The following NTNG1 variants were observed in gnomAD, a reference collection of about 807,000 sequenced individuals.
The protein encoded by NTNG1 is netrin-G1.
In NTNG1, 16 loss-of-function variants were observed where a neutral mutation model predicts 54.0. The observed-to-expected ratio is 0.30, with a 90% CI of 0.20 to 0.45. The LOEUF (loss-of-function observed/expected upper bound fraction) is 0.45, where lower values mean the gene tolerates loss of function less well. NTNG1 is among the 20% of genes least tolerant of loss of function. The pLI, the probability that NTNG1 is intolerant of heterozygous loss-of-function variation, is 1.00. For missense variants in NTNG1, 530 were observed against 678.7 expected (o/e 0.78, Z 2.43); for synonymous variants, 255 against 263.1 (o/e 0.97, Z 0.30).
At chr1:107,183,133 G>C (rs1657194734) in intron 2 of NTNG1, among the ~76,000 whole-genome samples, 1 of 152,148 alleles carries the variant, frequency 6.6e-6, no homozygotes, top group African/African-American at 2.4e-5. Context: ...TGCTGGAAGA[G>C]GTCATCACAA....
intron 2 of NTNG1, among the ~76,000 whole-genome samples, chr1:107,264,691 T>A (rs1417934023): frequency 1.3e-5 from 2 of 152,168 alleles, no homozygotes; most frequent in African/African-American, 4.8e-5. Flanking sequence ...TCTGTTTACA[T>A]TAGTTTAGGG....
intron 3 of NTNG1, among the ~76,000 whole-genome samples, chr1:107,385,865 G>T (rs937558589): frequency 3.3e-5 from 5 of 150,074 alleles, no homozygotes; most frequent in Admixed American, 1.3e-4. Context: ...CAATTCAGTG[G>T]TTTTTAGTAT....
chr1:107,171,466 T>A (rs1160717527), intron 2 of NTNG1, among the ~76,000 whole-genome samples: 1 of 152,130 alleles, frequency 6.6e-6, no homozygotes, highest in African/African-American at 2.4e-5. Context: ...CTGGAAGGAC[T>A]TTTATGACTT....
At chr1:107,376,418 A>AAC (rs1553235245) in intron 3 of NTNG1, among the ~76,000 whole-genome samples, 2 of 79,996 alleles carry the variant, frequency 2.5e-5, no homozygotes, top group Admixed American at 1.3e-4. Flanking sequence ...AAAACAAAAC[A>AAC]AAAAAAAAAA....
chr1:107,242,179 G>T (rs1306761832), intron 2 of NTNG1, among the ~76,000 whole-genome samples: 1 of 152,026 alleles, frequency 6.6e-6, no homozygotes, highest in Non-Finnish European at 1.5e-5. Flanking sequence ...AGGAGGGGGG[G>T]TGAGGGGATG....
chr1:107,376,833 A>G (rs762471780), intron 3 of NTNG1, among the ~76,000 whole-genome samples: 1 of 152,080 alleles, frequency 6.6e-6, no homozygotes, highest in African/African-American at 2.4e-5. Flanking sequence ...GCCCCAGCAC[A>G]TGCAAGTGTC....
At chr1:107,275,943 C>A (rs1310686870) in intron 2 of NTNG1, among the ~76,000 whole-genome samples, 1 of 152,212 alleles carries the variant, frequency 6.6e-6, no homozygotes, top group Non-Finnish European at 1.5e-5. Flanking sequence ...AGAAGGGCTT[C>A]TCTCTTATTT....
At position 107,454,180 on chromosome 1, in the gene NTNG1, GA is replaced by G. The variant is rs564833229; in HGVS notation, c.1390+17384del. Among the ~76,000 whole-genome samples the G allele has an allele frequency of 1.8e-4, 28 of 152,232 alleles. No homozygotes were observed. In the South Asian group the frequency reaches 5.8e-3, roughly 32 times the overall value. ...AACACAAACAATACCACACAACAGAGAAAGAGACTTTAGGATAAAAGCAAGC... is the reference window on the plus strand; with the variant it reads ...AACACAAACAATACCACACAACAGAGAAGAGACTTTAGGATAAAAGCAAGC... On this transcript the variant is annotated intron_variant, in intron 7 of 7. Transcript: ENST00000370068.
At chr1:107,325,989 C>G (rs917275412) in intron 3 of NTNG1, among the ~76,000 whole-genome samples, 1 of 152,046 alleles carries the variant, frequency 6.6e-6, no homozygotes, top group African/African-American at 2.4e-5. Flanking sequence ...TTAGGCAGCC[C>G]AGTTCTCAGA....
chr1:107,169,978 C>G (rs1451635501), intron 2 of NTNG1, among the ~76,000 whole-genome samples: 1 of 152,208 alleles, frequency 6.6e-6, no homozygotes, highest in Non-Finnish European at 1.5e-5. Context: ...AGGGAAGACT[C>G]AACTCTGCTT....
chr1:107,171,633 TGTACTG>T (rs1656245372), intron 2 of NTNG1, among the ~76,000 whole-genome samples: 3 of 152,166 alleles, frequency 2.0e-5, no homozygotes, highest in Non-Finnish European at 4.4e-5. Flanking sequence ...CATGGGGCTC[TGTACTG>T]CAGTCGTCCT....
chr1:107,262,649 A>G (rs1316774204), intron 2 of NTNG1, among the ~76,000 whole-genome samples: 2 of 152,228 alleles, frequency 1.3e-5, no homozygotes, highest in Non-Finnish European at 2.9e-5. Flanking sequence ...ATTGAGAAAG[A>G]AATACATGAA....
chr1:107,335,921 A>C (rs1164698389), intron 3 of NTNG1, among the ~76,000 whole-genome samples: 2 of 151,930 alleles, frequency 1.3e-5, no homozygotes, highest in Non-Finnish European at 2.9e-5. Flanking sequence ...ACAGTGCTGA[A>C]ACTAATTAAA....
At chr1:107,181,263 G>A (rs529843140) in intron 2 of NTNG1, among the ~76,000 whole-genome samples, 3 of 152,268 alleles carry the variant, frequency 2.0e-5, no homozygotes, top group African/African-American at 4.8e-5. Context: ...ATGACAGTGA[G>A]TTCTAAATAA....
At chr1:107,427,156 T>A (rs936442169) in intron 5 of NTNG1, among the ~76,000 whole-genome samples, 8 of 152,110 alleles carry the variant, frequency 5.3e-5, no homozygotes, top group African/African-American at 1.9e-4. Flanking sequence ...CTTTTCCAAT[T>A]TGAATGCCTT....
At position 107,324,369 on chromosome 1, in the gene NTNG1, A is replaced by C. The variant is rs188025372; in HGVS notation, c.334A>C (p.Arg112=). Residue 112 remains arginine, a synonymous_variant, in exon 3 of 8, where the codon AGA becomes CGA. Coordinates refer to ENST00000370068, the MANE Select transcript of NTNG1 (RefSeq NM_001113226.3). ...PPELMFDFEG[R]HPSTFWQSAT... ...TGAGCTGATGTTTGATTTTGAAGGAAGACATCCCTCCACATTTTGGCAGTC... is the reference window on the plus strand; with the variant it reads ...TGAGCTGATGTTTGATTTTGAAGGACGACATCCCTCCACATTTTGGCAGTC... 8 of 1,613,868 alleles carry C rather than the reference A, an allele frequency of 5.0e-6. No individual in the cohort carries two copies. The African/African-American group carries it at 1.1e-4, about 22-fold the overall frequency.
chr1:107,248,875 G>A (rs1662374526), intron 2 of NTNG1, among the ~76,000 whole-genome samples: 1 of 151,926 alleles, frequency 6.6e-6, no homozygotes, highest in Non-Finnish European at 1.5e-5. Context: ...TAGGCCGGGG[G>A]TGGTGGCTCA....
At chr1:107,156,184 A>G (rs1654982341) in intron 2 of NTNG1, among the ~76,000 whole-genome samples, 2 of 152,228 alleles carry the variant, frequency 1.3e-5, no homozygotes, top group South Asian at 4.1e-4. Context: ...TCATAAATCT[A>G]ATGTTTTCCT....
At chr1:107,407,583 T>C (rs1673510529) in intron 4 of NTNG1, 99 bp from the exon 5 acceptor site, 1 of 930,796 alleles carries the variant, frequency 1.1e-6, no homozygotes, top group Non-Finnish European at 1.6e-6. Context: ...GTCTGAATAT[T>C]ATCAAGTGTC....
Sources: allele counts gnomAD v4.1 joint callset (sites outside exome capture counted in the v4.1 genomes callset), GRCh38; gene constraint gnomAD v4.1.1; transcripts MANE v1.5; gene names NCBI Gene and HGNC (gene_info 2026-07-23, HGNC 2026-07-21).